SPANXN2: variants seen among roughly 807,000 people sequenced by gnomAD.
SPANXN2 encodes SPANX family member N2, also known as sperm protein associated with the nucleus on the X chromosome N2.
Under a neutral mutation model 2.0 loss-of-function variants are expected in SPANXN2, and 1 was observed. The ratio of observed to expected loss-of-function variants is 0.50; its 90% CI spans 0.18 to 2.36. The LOEUF is 2.36. Among genes scored for constraint, SPANXN2 ranks in the 30% most tolerant of loss-of-function variants. SPANXN2 has a pLI of 0.26. For synonymous variants in SPANXN2, 43 were observed against 49.8 expected, an observed-to-expected ratio of 0.86 and a Z score of 0.58; for missense variants, 88 against 116.7, an observed-to-expected ratio of 0.75 and a Z score of 1.13.
chrX:143,715,360 C>T (rs782271131), intron 1 of SPANXN2, among the ~76,000 whole-genome samples: 1 of 110,661 alleles, frequency 9.0e-6, no homozygotes, highest in East Asian at 2.9e-4. Flanking sequence ...CCCCTTCACC[C>T]ACTCTTTCCT....
At chrX:143,719,264 G>A (rs1408188648) in intron 1 of SPANXN2, among the ~76,000 whole-genome samples, 3 of 110,761 alleles carry the variant, frequency 2.7e-5, no homozygotes, top group Admixed American at 1.9e-4. Context: ...TGCCGGAGCC[G>A]CTCTCCATGT....
chrX:143,719,404 A>C (rs1556450532), intron 1 of SPANXN2, among the ~76,000 whole-genome samples: 2 of 111,276 alleles, frequency 1.8e-5, no homozygotes, highest in Non-Finnish European at 3.8e-5. Flanking sequence ...CTCTCTCCAA[A>C]ACCAAACAGC....
chrX:143,714,419 G>A (rs1556449126), intron 1 of SPANXN2, among the ~76,000 whole-genome samples: 1 of 111,000 alleles, frequency 9.0e-6, no homozygotes, highest in Non-Finnish European at 1.9e-5. Flanking sequence ...CCTCACCCTG[G>A]AGGACAGGGA....
At chrX:143,717,015 C>T (rs1351445097) in intron 1 of SPANXN2, among the ~76,000 whole-genome samples, 1 of 112,212 alleles carries the variant, frequency 8.9e-6, no homozygotes, top group Middle Eastern at 4.2e-3. Context: ...TTCAGATGCC[C>T]CTTTGCAGGG....
At chrX:143,715,900 C>G (rs1932253539) in intron 1 of SPANXN2, among the ~76,000 whole-genome samples, 1 of 111,619 alleles carries the variant, frequency 9.0e-6, no homozygotes, top group African/African-American at 3.3e-5. Flanking sequence ...TTGTATTGAA[C>G]TAAAAGACAA....
chrX:143,719,534 C>A (rs188212220), intron 1 of SPANXN2, among the ~76,000 whole-genome samples: 30 of 112,015 alleles, frequency 2.7e-4, no homozygotes, highest in African/African-American at 8.8e-4. Context: ...AGAATTCAAC[C>A]CCCACCTTCT....
chrX:143,715,302 C>T (rs1186204111), intron 1 of SPANXN2, among the ~76,000 whole-genome samples: 2 of 13,498 alleles, frequency 1.5e-4, no homozygotes, highest in African/African-American at 2.7e-4. Flanking sequence ...TCAATAAAAT[C>T]CCCTCTAGGC....
intron 1 of SPANXN2, among the ~76,000 whole-genome samples, chrX:143,717,549 C>T (rs782207641): frequency 2.4e-4 from 27 of 112,066 alleles, no homozygotes; most frequent in African/African-American, 8.8e-4. Context: ...TGGTGCCATT[C>T]AGGAAAAAAT....
exon 1 of SPANXN2, chrX:143,720,616 T>G (rs782426422): frequency 8.3e-7 from 1 of 1,208,971 alleles, no homozygotes; most frequent in South Asian, 1.8e-5. Flanking sequence ...GTTATTGGAT[T>G]CACAGGGGCT....
intron 1 of SPANXN2, among the ~76,000 whole-genome samples, chrX:143,715,404 A>G (rs12558625): frequency 2.2e-4 from 24 of 110,128 alleles, no homozygotes; most frequent in Admixed American, 2.9e-4. Flanking sequence ...CTATCTTGGG[A>G]TGGGACATAT....
In SPANXN2 at chrX:143,720,584, A is replaced by G. The variant is rs370373853; in HGVS notation, c.78+7T>C. ...CTCACCTTCCCTTCAAAACCTAACA[A>G]TCTTACCTCATCATTTTTTTTGTTA... On this transcript the variant is annotated splice_region_variant and intron_variant, in intron 1 of 1. Coordinates refer to ENST00000598475, the Ensembl canonical transcript of SPANXN2. 3 of 1,204,094 alleles carry G rather than the reference A, an allele frequency of 2.5e-6. No individual in the cohort carries two copies. In the African/African-American group the frequency reaches 5.4e-5, roughly 21 times the overall value.
intron 1 of SPANXN2, among the ~76,000 whole-genome samples, chrX:143,713,112 GC>G (rs1332210041): frequency 1.8e-5 from 2 of 110,971 alleles, no homozygotes; most frequent in Non-Finnish European, 3.8e-5. Context: ...TTTCATCCTT[GC>G]CTTCCCTTCA....
At chrX:143,712,380 A>T in exon 2 of SPANXN2, 1 of 1,212,047 alleles carries the variant, frequency 8.3e-7, no homozygotes, top group East Asian at 3.0e-5. Context: ...TCTCCAGTTG[A>T]TTTGAATTTA....
At chrX:143,716,668 T>C (rs1410394411) in intron 1 of SPANXN2, among the ~76,000 whole-genome samples, 2 of 111,998 alleles carry the variant, frequency 1.8e-5, no homozygotes, top group Non-Finnish European at 3.8e-5. Flanking sequence ...TCAAAACAAC[T>C]GGACTCTGTC....
chrX:143,712,873 G>T (rs73637118), intron 1 of SPANXN2, among the ~76,000 whole-genome samples: 10 of 111,277 alleles, frequency 9.0e-5, no homozygotes, highest in Non-Finnish European at 1.9e-4. Flanking sequence ...TCTAAGGAAC[G>T]CCACAATGAT....
At chrX:143,717,864 C>G (rs1932294721) in intron 1 of SPANXN2, among the ~76,000 whole-genome samples, 1 of 111,785 alleles carries the variant, frequency 8.9e-6, no homozygotes. Flanking sequence ...GATTCCTATA[C>G]ATTCTAACAA....
chrX:143,718,440 C>T lies in SPANXN2; in HGVS notation c.78+2151G>A, dbSNP rs782629080. 6.3e-4 allele frequency among the ~76,000 whole-genome samples: 70 copies of T among 111,726 alleles called. 1 individual carries two copies. Among genetic ancestry groups the T allele is most frequent in the African/African-American group, 2.2e-3 (67 of 30,710 alleles). On this transcript the variant is annotated intron_variant, in intron 1 of 1. Transcript: ENST00000598475. Reference sequence around the variant, plus strand: ...GGGTCTGAATCACAGACTCCTCCTCCCCCGCTCTCCAACCTAAGTGGAGGA... The same window carrying T: ...GGGTCTGAATCACAGACTCCTCCTCTCCCGCTCTCCAACCTAAGTGGAGGA...
At chrX:143,720,116 A>G (rs183628257) in intron 1 of SPANXN2, among the ~76,000 whole-genome samples, 4 of 110,995 alleles carry the variant, frequency 3.6e-5, no homozygotes, top group African/African-American at 1.3e-4. Context: ...TTCCTTTTAT[A>G]CTAAAGTAGA....
intron 1 of SPANXN2, among the ~76,000 whole-genome samples, chrX:143,718,850 T>G (rs1306550662): frequency 9.0e-6 from 1 of 111,329 alleles, no homozygotes; most frequent in East Asian, 2.9e-4. Flanking sequence ...TTTCTCCTTT[T>G]GTCCTCTCTA....
Sources: allele counts gnomAD v4.1 joint callset (sites outside exome capture counted in the v4.1 genomes callset), GRCh38; gene constraint gnomAD v4.1.1; transcripts MANE v1.5; gene names NCBI Gene and HGNC (gene_info 2026-07-23, HGNC 2026-07-21).